The following CNPY3 variants were observed in gnomAD, a reference collection of about 807,000 sequenced individuals.
CNPY3 encodes protein canopy homolog 3.
Under a neutral mutation model 32.0 loss-of-function variants are expected in CNPY3, and 20 were observed. The ratio of observed to expected loss-of-function variants is 0.63; its 90% CI spans 0.44 to 0.91. The LOEUF (loss-of-function observed/expected upper bound fraction) is 0.91, where lower values mean the gene tolerates loss of function less well. Among genes scored for constraint, CNPY3 ranks in the 40% least tolerant of loss-of-function variants. CNPY3 has a pLI of 0.00. For missense variants in CNPY3, 299 were observed against 340.8 expected (o/e 0.88, Z 0.97); for synonymous variants, 138 against 142.9 (o/e 0.97, Z 0.24).
rs780374734 is a variant in CNPY3 at position 42,929,541 on chromosome 6, G to A, written c.-30G>A. ...CGCGCCGCGGGAGGAGGAACCGCCC[G>A]GTCCTTTAGGGTCCGGGCCCGGCCG... On this transcript the variant is annotated 5_prime_UTR_variant, in exon 1 of 6. Coordinates refer to ENST00000372836, the MANE Select transcript of CNPY3 (RefSeq NM_006586.5). 2.0e-6 allele frequency: 3 copies of A among 1,537,914 alleles called. No individual in the cohort carries two copies. Among genetic ancestry groups the A allele is most frequent in the African/African-American group, 1.4e-5 (1 of 73,284 alleles).
At chr6:42,934,450 G>A (rs1489297240) in intron 1 of CNPY3, 25 bp from the exon 2 acceptor site, 2 of 1,613,522 alleles carry the variant, frequency 1.2e-6, no homozygotes, top group Admixed American at 1.7e-5. Flanking sequence ...TGCACTCAGT[G>A]GGCTGTGCTA....
rs1159225007 is a variant in CNPY3, at chr6:42,934,511, T to C, written c.188T>C (p.Phe63Ser). 1 of 1,614,044 alleles carries C rather than the reference T, an allele frequency of 6.2e-7. No homozygotes were observed. Among genetic ancestry groups the C allele is most frequent in the Admixed American group, 1.7e-5 (1 of 60,000 alleles). ...GTTGCTGTGGAGCTGAAGTCAGCCT[T>C]TGAGGAAACCGGCAAGACCAAGGAG... is the stretch of plus-strand genomic sequence containing the variant. ...KYVAVELKSA[F>S]EETGKTKEVI... The change falls in exon 2 of 6, where the codon TTT becomes TCT. Residue 63 changes from phenylalanine (F) to serine (S), a missense_variant. By Grantham distance (155) the Phe-to-Ser change is radical. Around this residue, in one of 2 missense-constraint regions of CNPY3, gnomAD observed 211 missense variants for 278.3 expected, o/e 0.76. Transcript: ENST00000372836.
chr6:42,938,504 C>T (rs77807794), intron 5 of CNPY3, 64 bp from the exon 6 acceptor site: 362,797 of 1,449,260 alleles, frequency 0.25, 47,860 homozygotes, highest in African/African-American at 0.35. Context: ...CTGCTCAGTG[C>T]TCCTTGCCCA....
At position 42,929,519 on chromosome 6, in the gene CNPY3, G is replaced by A; in HGVS notation, c.-52G>A. On this transcript the variant is annotated 5_prime_UTR_variant, in exon 1 of 6. Coordinates refer to ENST00000372836, the MANE Select transcript of CNPY3 (RefSeq NM_006586.5). ...GGCGAGGGGAAACTGCTCCGCGCGC[G>A]CCGCGGGAGGAGGAACCGCCCGGTC... 1.3e-6 allele frequency: 2 copies of A among 1,498,498 alleles called. No homozygotes were observed. Among genetic ancestry groups the A allele is most frequent in the South Asian group, 1.3e-5 (1 of 79,420 alleles). The allele number at this position is 1,498,498 out of a possible 1,614,324, so 92.8% of individuals were successfully genotyped here.
At chr6:42,929,105 A>G (rs1268714429), upstream of CNPY3, 3 of 157,358 alleles carry the variant, frequency 1.9e-5, no homozygotes, top group African/African-American at 7.2e-5. Context: ...CCAGGAGGGA[A>G]GTGACGTTCG....
At position 42,938,976 on chromosome 6, in the gene CNPY3, G is replaced by C; in HGVS notation, c.*185G>C. The C allele has an allele frequency of 7.3e-7, 1 of 1,376,044 alleles. No homozygotes were observed. Among genetic ancestry groups the C allele is most frequent in the Non-Finnish European group, 9.4e-7 (1 of 1,063,026 alleles). 85.2% of individuals were successfully genotyped at this position (1,376,044 alleles called of 1,614,324 possible). On this transcript the variant is annotated 3_prime_UTR_variant, in exon 6 of 6. Coordinates refer to ENST00000372836, the MANE Select transcript of CNPY3 (RefSeq NM_006586.5). The stretch of plus-strand genomic sequence containing the variant: ...AGAGCCGTCATGGGTAGCCCACGCC[G>C]TCCTTTCCCCTCCCCAAGTGTTTCT...
At chr6:42,928,204 G>A (rs1230220093), upstream of CNPY3, among the ~76,000 whole-genome samples, 1 of 152,048 alleles carries the variant, frequency 6.6e-6, no homozygotes, top group Non-Finnish European at 1.5e-5. Flanking sequence ...GGCCAGGCTG[G>A]TCTTGAACTC....
intron 4 of CNPY3, 85 bp from the exon 5 acceptor site, chr6:42,938,005 C>T (rs575661253): frequency 1.4e-6 from 2 of 1,459,074 alleles, no homozygotes; most frequent in African/African-American, 1.4e-5. Context: ...GCCTACCTTG[C>T]AGTGGGTTGC....
At chr6:42,934,400 G>T in intron 1 of CNPY3, 75 bp from the exon 2 acceptor site, 1 of 1,585,444 alleles carries the variant, frequency 6.3e-7, no homozygotes, top group South Asian at 1.1e-5. Context: ...TGCCCACCTG[G>T]ATCTGTTTTG....
At chr6:42,930,400 C>T (rs952034908) in intron 1 of CNPY3, among the ~76,000 whole-genome samples, 18 of 152,082 alleles carry the variant, frequency 1.2e-4, no homozygotes, top group African/African-American at 4.3e-4. Context: ...AAATGGGAGA[C>T]TGTGGGTGTG....
At position 42,937,660 on chromosome 6, in the gene CNPY3, C is replaced by T. The variant is rs60180882; in HGVS notation, c.373-57C>T. 1.6e-3 allele frequency: 2,489 copies of T among 1,598,164 alleles called. 35 individuals are homozygous for T. The African/African-American group carries it at 0.029, about 19-fold the overall frequency. On this transcript the variant is annotated intron_variant, in intron 3 of 5. Transcript: ENST00000372836. ...TGGGTTCTTAGCCACCACTGGGAGA[C>T]GAGGGTGGGAGGGAGAGAAGGGAGC...
intron 1 of CNPY3, among the ~76,000 whole-genome samples, chr6:42,931,301 A>C (rs1282574288): frequency 6.9e-6 from 1 of 144,986 alleles, no homozygotes; most frequent in Non-Finnish European, 1.5e-5. Flanking sequence ...ATCTTGGCTC[A>C]CCGCAACCTC....
At position 42,929,564 on chromosome 6, in the gene CNPY3, C is replaced by T. The variant is rs1237334772; in HGVS notation, c.-7C>T. 3.2e-6 allele frequency: 5 copies of T among 1,569,270 alleles called. No individual in the cohort carries two copies. The highest frequency in any genetic ancestry group is 3.5e-6 in the Non-Finnish European group (4 of 1,157,338). On this transcript the variant is annotated 5_prime_UTR_variant, in exon 1 of 6. Transcript: ENST00000372836. ...CCGGTCCTTTAGGGTCCGGGCCCGG[C>T]CGGGCCATGGATTCAATGCCTGAGC...
upstream of CNPY3, among the ~76,000 whole-genome samples, chr6:42,928,577 T>G (rs1767528875): frequency 6.6e-6 from 1 of 152,152 alleles, no homozygotes; most frequent in African/African-American, 2.4e-5. Context: ...AGCCATTAAG[T>G]GTTCCCCTTA....
At position 42,939,020 on chromosome 6, in the gene CNPY3, G is replaced by A; in HGVS notation, c.*229G>A. 1 of 1,328,132 alleles carries A rather than the reference G, an allele frequency of 7.5e-7. No homozygotes were observed. The highest frequency in any genetic ancestry group is 9.6e-7 in the Non-Finnish European group (1 of 1,039,490). The allele number at this position is 1,328,132 out of a possible 1,614,324, so 82.3% of individuals were successfully genotyped here. ...TGTTTCTCTCCTGACCCAGGGTTCA[G>A]GCAGGCCTTGTGGTTTCAGGACTGC... On this transcript the variant is annotated 3_prime_UTR_variant, in exon 6 of 6. Coordinates refer to ENST00000372836, the MANE Select transcript of CNPY3 (RefSeq NM_006586.5).
intron 1 of CNPY3, among the ~76,000 whole-genome samples, chr6:42,933,909 G>A (rs1341276170): frequency 2.6e-5 from 4 of 152,154 alleles, no homozygotes; most frequent in African/African-American, 9.7e-5. Context: ...GGTGGCTCAC[G>A]CCTGTAATCC....
At chr6:42,934,620 G>C (rs747783493) in intron 2 of CNPY3, 22 bp downstream of exon 2, 9 of 1,612,916 alleles carry the variant, frequency 5.6e-6, no homozygotes, top group Non-Finnish European at 7.6e-6. Flanking sequence ...GGGACTCACT[G>C]GCCTGGCCTG....
rs1222563565 is a variant in CNPY3, at chr6:42,929,616, C to G, written c.46C>G (p.Pro16Ala). The change falls in exon 1 of 6, where the codon CCC (proline) becomes GCC (alanine). Residue 16 changes from proline to alanine, a missense_variant. By Grantham distance (27) the Pro-to-Ala change is conservative (BLOSUM62 -1). This residue lies in a region of CNPY3 where 88 missense variants were observed against 62.5 expected (regional missense o/e 1.41). Coordinates refer to ENST00000372836, the MANE Select transcript of CNPY3 (RefSeq NM_006586.5). The part of the protein sequence containing the change: ...EPASRCLLLL[P>A]LLLLLLLLLP... ...CGCGTCCCGCTGTCTTCTGCTTCTT[C>G]CCTTGCTGCTGCTGCTGCTGCTGCT... is the stretch of plus-strand genomic sequence containing the variant. 1.9e-6 allele frequency: 3 copies of G among 1,567,580 alleles called. No individual in the cohort carries two copies. Among genetic ancestry groups the G allele is most frequent in the Non-Finnish European group, 8.6e-7 (1 of 1,157,170 alleles).
intron 3 of CNPY3, 137 bp downstream of exon 3, chr6:42,935,807 G>A (rs537254459): frequency 9.6e-5 from 98 of 1,024,580 alleles, no homozygotes; most frequent in Middle Eastern, 4.5e-4. Context: ...TTTGATTGCC[G>A]TTTGTGCTCC....
Sources: allele counts gnomAD v4.1 joint callset (sites outside exome capture counted in the v4.1 genomes callset), GRCh38; gene constraint gnomAD v4.1.1; regional missense constraint gnomAD v4.1.1; transcripts MANE v1.5; gene names NCBI Gene and HGNC (gene_info 2026-07-23, HGNC 2026-07-21).